The following CRYBG3 variants were observed in gnomAD, a reference collection of about 807,000 sequenced individuals.
The protein encoded by CRYBG3 is very large A-kinase anchor protein.
CRYBG3 carries 127 observed loss-of-function variants against 244.2 expected under a neutral mutation model. The ratio of observed to expected loss-of-function variants is 0.52; its 90% CI spans 0.45 to 0.60. The LOEUF (loss-of-function observed/expected upper bound fraction) is 0.60, where lower values mean the gene tolerates loss of function less well. CRYBG3 is among the 20% of genes least tolerant of loss of function. The probability of loss-of-function intolerance (pLI) is 0.00; values close to 1 mark genes in which losing one functional copy is unlikely to be tolerated. For synonymous variants in CRYBG3, 1,132 were observed against 1,195.8 expected, an observed-to-expected ratio of 0.95 and a Z score of 1.10; for missense variants, 3,325 against 3,442.5, an observed-to-expected ratio of 0.97 and a Z score of 0.85.
At chr3:97,862,280 A>T (rs1463217724) in intron 2 of CRYBG3, among the ~76,000 whole-genome samples, 1 of 152,168 alleles carries the variant, frequency 6.6e-6, no homozygotes, top group Non-Finnish European at 1.5e-5. Flanking sequence ...TAATGATGTT[A>T]AAAGTGGTAA....
intron 8 of CRYBG3, 80 bp downstream of exon 8, chr3:97,886,847 A>C (rs780715374): frequency 1.5e-5 from 18 of 1,226,454 alleles, no homozygotes; most frequent in Admixed American, 2.5e-5. Flanking sequence ...ATTTTTCTAA[A>C]GTTTCTAGCT....
In CRYBG3 at chr3:97,899,297, C is replaced by T. The variant is rs747633180; in HGVS notation, c.7971+34C>T. 90 of 1,580,584 alleles carry T rather than the reference C, an allele frequency of 5.7e-5. 1 individual carries two copies. The highest frequency in any genetic ancestry group is 1.7e-4 in the Middle Eastern group (1 of 5,880). ...AGTATGAACATAGCCAGTGCTGCAT[C>T]ATGTAATAGTATGCAATTAAATATG... On this transcript the variant is annotated intron_variant, in intron 14 of 21. Transcript: ENST00000389622.
chr3:97,904,700 AT>A (rs977226506), intron 15 of CRYBG3, among the ~76,000 whole-genome samples: 23 of 143,848 alleles, frequency 1.6e-4, no homozygotes, highest in African/African-American at 3.1e-4. Context: ...TTTTATTTTT[AT>A]TTTTTTTTAA....
At position 97,895,944 on chromosome 3, in the gene CRYBG3, C is replaced by A; in HGVS notation, c.7575-15C>A. ...TTTTATTAATGGGTCATTTGGGTGT[C>A]CCCTGTATTTCTAGGTGGGTTGCCT... On this transcript the variant is annotated splice_polypyrimidine_tract_variant and intron_variant, in intron 11 of 21. Transcript: ENST00000389622. The A allele has an allele frequency of 6.2e-7, 1 of 1,608,784 alleles. No individual in the cohort carries two copies. The highest frequency in any genetic ancestry group is 1.7e-5 in the Admixed American group (1 of 59,106).
chr3:97,940,732 A>G (rs1046368316), intron 19 of CRYBG3, among the ~76,000 whole-genome samples: 5 of 152,014 alleles, frequency 3.3e-5, no homozygotes, highest in African/African-American at 1.2e-4. Context: ...TATGGCATTT[A>G]GTCATAGCTC....
At chr3:97,852,727 T>G (rs1292705645) in intron 2 of CRYBG3, among the ~76,000 whole-genome samples, 1 of 152,182 alleles carries the variant, frequency 6.6e-6, no homozygotes, top group Non-Finnish European at 1.5e-5. Context: ...TAGTAGTTTA[T>G]TTTTGGTTTT....
chr3:97,836,252 A>C (rs2038731185), intron 1 of CRYBG3, among the ~76,000 whole-genome samples: 1 of 152,084 alleles, frequency 6.6e-6, no homozygotes, highest in African/African-American at 2.4e-5. Flanking sequence ...AGAGTTTTGA[A>C]ATCATTCAAC....
intron 6 of CRYBG3, among the ~76,000 whole-genome samples, chr3:97,880,750 A>G (rs550908214): frequency 2.0e-5 from 3 of 152,338 alleles, no homozygotes; most frequent in South Asian, 2.1e-4. Flanking sequence ...TTGTTGCACT[A>G]TTGTTTTTTA....
In CRYBG3 at chr3:97,942,371, C is replaced by CAGA; in HGVS notation, c.8755_8757dup (p.Lys2919dup). ...ATGGACTGAACATGGGCAATTCAGG[C>CAGA]AGAAGTGGAGACTGAATAAAAATGG... is the stretch of plus-strand genomic sequence containing the variant. On this transcript the variant is annotated inframe_insertion, in exon 21 of 22. Transcript: ENST00000389622. 1 of 1,611,870 alleles carries CAGA rather than the reference C, an allele frequency of 6.2e-7. No individual in the cohort carries two copies. The highest frequency in any genetic ancestry group is 1.3e-5 in the African/African-American group (1 of 74,866).
At chr3:97,825,686 C>A (rs1485032105) in intron 1 of CRYBG3, among the ~76,000 whole-genome samples, 1 of 152,166 alleles carries the variant, frequency 6.6e-6, no homozygotes, top group Non-Finnish European at 1.5e-5. Context: ...ACTGAAAATT[C>A]CTCCACCCAG....
At chr3:97,879,877 T>A in intron 5 of CRYBG3, 108 bp from the exon 6 acceptor site, 1 of 904,478 alleles carries the variant, frequency 1.1e-6, no homozygotes, top group Admixed American at 2.5e-5. Context: ...AACATTTGCT[T>A]TTGTATATTT....
At chr3:97,882,980 G>A (rs541824925) in intron 7 of CRYBG3, among the ~76,000 whole-genome samples, 4 of 152,192 alleles carry the variant, frequency 2.6e-5, no homozygotes, top group South Asian at 4.1e-4. Context: ...TTAAAGACTC[G>A]GGGAGAGCAG....
In CRYBG3 at chr3:97,874,852, A is replaced by G; in HGVS notation, c.3658A>G (p.Thr1220Ala). The G allele has an allele frequency of 6.5e-7, 1 of 1,535,866 alleles. No individual in the cohort carries two copies. The highest frequency in any genetic ancestry group is 8.7e-7 in the Non-Finnish European group (1 of 1,146,780). The change falls in exon 4 of 22, where the codon ACA becomes GCA. Residue 1220 changes from threonine (T) to alanine (A), a missense_variant. Thr to Ala is a moderately conservative substitution (Grantham distance 58). Transcript: ENST00000389622. Reference sequence around the variant, plus strand: ...CAGGGAAGAACTAAAATTCAAACACACAGTGAGTACCTGCCAGGAGCATAT... The same window carrying G: ...CAGGGAAGAACTAAAATTCAAACACGCAGTGAGTACCTGCCAGGAGCATAT... ...SVREELKFKH[T>A]VSTCQEHIAI...
At position 97,886,463 on chromosome 3, in the gene CRYBG3, C is replaced by CT. The variant is rs201479909; in HGVS notation, c.7153-163dup. Reference sequence around the variant, plus strand: ...TGTCATTAACAGCTTTTTAGAAAAACTTTTTAAAAAAAAAAAGGGTGAGGA... The same window carrying CT: ...TGTCATTAACAGCTTTTTAGAAAAACTTTTTTAAAAAAAAAAAGGGTGAGGA... On this transcript the variant is annotated intron_variant, in intron 7 of 21. Transcript: ENST00000389622. 5.1e-4 allele frequency among the ~76,000 whole-genome samples: 76 copies of CT among 150,410 alleles called. 1 individual carries two copies. The highest frequency in any genetic ancestry group is 9.9e-4 in the Admixed American group (15 of 15,116).
chr3:97,894,038 G>A (rs1284057809), intron 11 of CRYBG3, among the ~76,000 whole-genome samples: 1 of 152,006 alleles, frequency 6.6e-6, no homozygotes, highest in Non-Finnish European at 1.5e-5. Context: ...ATTTATTAGG[G>A]TCTTGAAGAA....
chr3:97,916,298 C>T (rs955945046), intron 17 of CRYBG3, among the ~76,000 whole-genome samples: 14 of 152,174 alleles, frequency 9.2e-5, no homozygotes, highest in Non-Finnish European at 1.8e-4. Flanking sequence ...TGGGCCACCA[C>T]AGATACTAAA....
At chr3:97,862,932 T>G (rs1445586573) in intron 2 of CRYBG3, among the ~76,000 whole-genome samples, 2 of 152,210 alleles carry the variant, frequency 1.3e-5, no homozygotes, top group Non-Finnish European at 2.9e-5. Flanking sequence ...GCTGAGTTAA[T>G]AAGTTCTAAA....
intron 1 of CRYBG3, among the ~76,000 whole-genome samples, chr3:97,839,821 G>C (rs2038787184): frequency 1.3e-5 from 2 of 151,454 alleles, no homozygotes; most frequent in African/African-American, 4.9e-5. Flanking sequence ...TTAATCTTAA[G>C]CCATCTGCCT....
At chr3:97,899,575 G>C (rs34054402) in intron 14 of CRYBG3, among the ~76,000 whole-genome samples, 12 of 152,286 alleles carry the variant, frequency 7.9e-5, no homozygotes, top group Admixed American at 7.8e-4. Context: ...CTGTCTCCCA[G>C]GGGAAATAGA....
Sources: allele counts gnomAD v4.1 joint callset (sites outside exome capture counted in the v4.1 genomes callset), GRCh38; gene constraint gnomAD v4.1.1; transcripts MANE v1.5; gene names NCBI Gene and HGNC (gene_info 2026-07-23, HGNC 2026-07-21).